TNIK: variants seen among roughly 807,000 people sequenced by gnomAD.
The protein encoded by TNIK is TRAF2 and NCK interacting kinase.
A neutral mutation model predicts 191.3 loss-of-function variants in TNIK; 49 were observed. The observed-to-expected ratio is 0.26, with a 90% confidence interval of 0.20 to 0.32. The LOEUF (loss-of-function observed/expected upper bound fraction) is 0.32, where lower values mean the gene tolerates loss of function less well. TNIK is among the 10% of genes least tolerant of loss of function. The pLI is 1.00. For missense variants in TNIK, 1,155 were observed against 1,702.3 expected (o/e 0.68, Z 5.66); for synonymous variants, 594 against 600.9 (o/e 0.99, Z 0.17).
intron 2 of TNIK, among the ~76,000 whole-genome samples, chr3:171,327,480 G>A (rs977619544): frequency 1.3e-5 from 2 of 152,126 alleles, no homozygotes; most frequent in Non-Finnish European, 2.9e-5. Flanking sequence ...ATGCCTGGCC[G>A]CTAAAACACC....
rs578134812 is a variant in TNIK, at chr3:171,401,163, C to T, written c.58-31478G>A. ...GAACCAGAGCTCCATATTTCCTTCT[C>T]TCCTGAATTTTCATTTAGGAGAGGT... On this transcript the variant is annotated intron_variant, in intron 1 of 32. Coordinates refer to ENST00000436636, the MANE Select transcript of TNIK (RefSeq NM_015028.4). 3.3e-5 allele frequency among the ~76,000 whole-genome samples: 5 copies of T among 152,248 alleles called. No homozygotes were observed. In the South Asian group the frequency reaches 6.2e-4, roughly 19 times the overall value.
At chr3:171,353,458 G>C (rs546370789) in intron 2 of TNIK, among the ~76,000 whole-genome samples, 1 of 152,100 alleles carries the variant, frequency 6.6e-6, no homozygotes, top group African/African-American at 2.4e-5. Flanking sequence ...CCTATAATGG[G>C]CATAGTTACT....
intron 2 of TNIK, among the ~76,000 whole-genome samples, chr3:171,313,060 C>T (rs997577989): frequency 2.0e-5 from 3 of 151,844 alleles, no homozygotes; most frequent in African/African-American, 7.3e-5. Flanking sequence ...TTGCAGTCAC[C>T]GAGACAGTGT....
chr3:171,343,920 A>G (rs576028553), intron 2 of TNIK, among the ~76,000 whole-genome samples: 1 of 152,284 alleles, frequency 6.6e-6, no homozygotes, highest in African/African-American at 2.4e-5. Flanking sequence ...CCTTCCTCAT[A>G]TGACTCTGCT....
intron 1 of TNIK, among the ~76,000 whole-genome samples, chr3:171,399,615 T>A (rs943009336): frequency 6.6e-6 from 1 of 152,074 alleles, no homozygotes; most frequent in African/African-American, 2.4e-5. Flanking sequence ...GATAAAAAAA[T>A]TATGTTGATA....
At chr3:171,423,696 G>A (rs1404506701) in intron 1 of TNIK, among the ~76,000 whole-genome samples, 1 of 152,126 alleles carries the variant, frequency 6.6e-6, no homozygotes, top group African/African-American at 2.4e-5. Context: ...ATGACTATCT[G>A]ATCTTTGACA....
chr3:171,263,616 T>C (rs1451789970), intron 2 of TNIK, among the ~76,000 whole-genome samples: 3 of 152,168 alleles, frequency 2.0e-5, no homozygotes, highest in Admixed American at 1.3e-4. Flanking sequence ...ACTTTTCCTT[T>C]AGGAATTTTT....
At chr3:171,271,984 G>A (rs1335404555) in intron 2 of TNIK, among the ~76,000 whole-genome samples, 1 of 152,198 alleles carries the variant, frequency 6.6e-6, no homozygotes, top group South Asian at 2.1e-4. Flanking sequence ...CAAAACATTT[G>A]TTAAACTTAA....
At chr3:171,291,216 TAATA>T (rs926803417) in intron 2 of TNIK, among the ~76,000 whole-genome samples, 1 of 152,188 alleles carries the variant, frequency 6.6e-6, no homozygotes, top group African/African-American at 2.4e-5. Context: ...GCTATGTACA[TAATA>T]AATCCCATAA....
intron 1 of TNIK, among the ~76,000 whole-genome samples, chr3:171,384,053 C>T (rs1004244037): frequency 2.6e-5 from 4 of 152,194 alleles, no homozygotes; most frequent in Non-Finnish European, 4.4e-5. Context: ...ATTCTGTGTC[C>T]TTGTTCCCTT....
intron 1 of TNIK, among the ~76,000 whole-genome samples, chr3:171,396,825 T>A (rs888366523): frequency 7.2e-5 from 11 of 152,182 alleles, no homozygotes; most frequent in African/African-American, 2.7e-4. Context: ...ATTTTTAAGG[T>A]ATTTTTCATG....
chr3:171,211,254 A>T lies in TNIK; in HGVS notation c.181-13T>A. 1 of 1,579,180 alleles carries T rather than the reference A, an allele frequency of 6.3e-7. No homozygotes were observed. The highest frequency in any genetic ancestry group is 8.6e-7 in the Non-Finnish European group (1 of 1,161,494). ...CTTCCTCTTCATCCTGTATGAGAAC[A>T]ATATAAAAATTCTGTCATGAAAATC... On this transcript the variant is annotated splice_polypyrimidine_tract_variant and intron_variant, in intron 3 of 32. Transcript: ENST00000436636.
chr3:171,297,257 A>G (rs866761995), intron 2 of TNIK, among the ~76,000 whole-genome samples: 18 of 152,312 alleles, frequency 1.2e-4, no homozygotes, highest in Admixed American at 2.0e-4. Flanking sequence ...TTTCTCCCCC[A>G]TTGACTCTTC....
chr3:171,251,770 C>T (rs935563430), intron 2 of TNIK, among the ~76,000 whole-genome samples: 3 of 152,192 alleles, frequency 2.0e-5, no homozygotes, highest in Non-Finnish European at 4.4e-5. Context: ...AAATTACCTA[C>T]ATCACATCCC....
intron 12 of TNIK, among the ~76,000 whole-genome samples, chr3:171,151,276 C>T (rs536258887): frequency 1.3e-5 from 2 of 152,182 alleles, no homozygotes; most frequent in Non-Finnish European, 2.9e-5. Flanking sequence ...ACATTTATTG[C>T]TCTTAATGAT....
At chr3:171,166,037 A>G (rs1203909329) in intron 10 of TNIK, among the ~76,000 whole-genome samples, 1 of 152,208 alleles carries the variant, frequency 6.6e-6, no homozygotes, top group Non-Finnish European at 1.5e-5. Flanking sequence ...CTGTTTCCTC[A>G]AAGATAAATC....
intron 12 of TNIK, among the ~76,000 whole-genome samples, chr3:171,145,088 C>CTCTCTT (rs1553835022): frequency 7.5e-5 from 10 of 132,640 alleles, no homozygotes; most frequent in Non-Finnish European, 8.1e-5. Flanking sequence ...CTATCTCTCT[C>CTCTCTT]TTTTTTTTTT....
intron 2 of TNIK, among the ~76,000 whole-genome samples, chr3:171,333,792 C>T (rs138857164): frequency 2.0e-5 from 3 of 152,210 alleles, no homozygotes; most frequent in Non-Finnish European, 4.4e-5. Flanking sequence ...AGATAGTAAC[C>T]TTTCCCTTTC....
rs1432978585 is a variant in TNIK at position 171,058,502 on chromosome 3, A to C, written c.*5379T>G. On this transcript the variant is annotated 3_prime_UTR_variant, in exon 33 of 33. Transcript: ENST00000436636. Reference sequence around the variant, plus strand: ...AGTTACCATGTGGGGAAACCTATCAAAGCATTTTTAATGACTGCTTAGAAT... The same window carrying C: ...AGTTACCATGTGGGGAAACCTATCACAGCATTTTTAATGACTGCTTAGAAT... 6.6e-6 allele frequency among the ~76,000 whole-genome samples: 1 copy of C among 152,212 alleles called. No homozygotes were observed. The highest frequency in any genetic ancestry group is 1.5e-5 in the Non-Finnish European group (1 of 68,028).
Sources: allele counts gnomAD v4.1 joint callset (sites outside exome capture counted in the v4.1 genomes callset), GRCh38; gene constraint gnomAD v4.1.1; transcripts MANE v1.5; gene names NCBI Gene and HGNC (gene_info 2026-07-23, HGNC 2026-07-21).